CCDC174: variants seen among roughly 807,000 people sequenced by gnomAD.
The protein encoded by CCDC174 is coiled-coil domain-containing protein 174.
In CCDC174, 37 loss-of-function variants were observed where a neutral mutation model predicts 57.1. The observed-to-expected ratio is 0.65, with a 90% confidence interval of 0.50 to 0.85. The LOEUF is 0.85. CCDC174 is among the 40% of genes least tolerant of loss of function. The pLI, the probability that CCDC174 is intolerant of heterozygous loss-of-function variation, is 0.00. For synonymous variants in CCDC174, 182 were observed against 190.2 expected (o/e 0.96, Z 0.35); for missense variants, 540 against 574.3 (o/e 0.94, Z 0.61).
intron 6 of CCDC174, among the ~76,000 whole-genome samples, 181 bp from the exon 7 acceptor site, chr3:14,666,624 A>G (rs1272122629): frequency 2.7e-5 from 4 of 147,912 alleles, no homozygotes; most frequent in Admixed American, 2.7e-4. Flanking sequence ...CTAGTCTCCA[A>G]AAAAAAAAAA....
chr3:14,657,852 C>T (rs1575069050), intron 3 of CCDC174, among the ~76,000 whole-genome samples: 2 of 152,360 alleles, frequency 1.3e-5, no homozygotes, highest in South Asian at 2.1e-4. Flanking sequence ...GAGGTTTCCC[C>T]TGACTGCCCT....
At chr3:14,662,637 G>A (rs1345071063) in intron 5 of CCDC174, among the ~76,000 whole-genome samples, 1 of 152,112 alleles carries the variant, frequency 6.6e-6, no homozygotes, top group African/African-American at 2.4e-5. Context: ...CAATTTCCTG[G>A]GAACCCATCC....
At chr3:14,669,343 A>G (rs1426429866) in intron 9 of CCDC174, among the ~76,000 whole-genome samples, 1 of 152,232 alleles carries the variant, frequency 6.6e-6, no homozygotes, top group Non-Finnish European at 1.5e-5. Context: ...TCGCTCTATA[A>G]CATGTTAAGC....
In CCDC174 at chr3:14,667,467, C is replaced by CA. The variant is rs776690744; in HGVS notation, c.771dup (p.Glu258ArgfsTer15). On this transcript the variant is annotated frameshift_variant, in exon 8 of 11. Coordinates refer to ENST00000383794, the MANE Select transcript of CCDC174 (RefSeq NM_016474.5). LOFTEE classifies it high-confidence loss of function. ...TTGGGTATTTTGCCTTTGCCCGAGACAAAGAGTTGAGAAACAAGCAGATGA... is the reference window on the plus strand; with the variant it reads ...TTGGGTATTTTGCCTTTGCCCGAGACAAAAGAGTTGAGAAACAAGCAGATGA... The CA allele has an allele frequency of 1.9e-6, 3 of 1,613,588 alleles. No individual in the cohort carries two copies. Among genetic ancestry groups the CA allele is most frequent in the Non-Finnish European group, 2.5e-6 (3 of 1,179,950 alleles).
intron 8 of CCDC174, 24 bp from the exon 9 acceptor site, chr3:14,668,025 A>G (rs1277417066): frequency 6.4e-7 from 1 of 1,556,442 alleles, no homozygotes; most frequent in Non-Finnish European, 8.7e-7. Context: ...CTTCAAGCAA[A>G]TAATTTTCTG....
intron 9 of CCDC174, 92 bp downstream of exon 9, chr3:14,668,273 A>T: frequency 7.9e-7 from 1 of 1,269,862 alleles, no homozygotes; most frequent in Non-Finnish European, 1.1e-6. Flanking sequence ...AAAATTAGCC[A>T]TTTAGTTTTA....
At chr3:14,668,734 C>T (rs1390058388) in intron 9 of CCDC174, among the ~76,000 whole-genome samples, 1 of 152,070 alleles carries the variant, frequency 6.6e-6, no homozygotes, top group African/African-American at 2.4e-5. Flanking sequence ...GGCTAAATTG[C>T]CATCAATCTA....
rs56350241 is a variant in CCDC174, at chr3:14,661,698, G to C, written c.476G>C (p.Ser159Thr). Residue 159 changes from serine to threonine, a missense_variant, in exon 5 of 11, where the codon AGT becomes ACT. Ser to Thr is a moderately conservative substitution (Grantham distance 58). Coordinates refer to ENST00000383794, the MANE Select transcript of CCDC174 (RefSeq NM_016474.5). ...EGEIPPPQDPSEEWVDYVDSL... is the reference protein window; with the variant it reads ...EGEIPPPQDPTEEWVDYVDSL... ...GAGATCCCTCCTCCCCAAGACCCCAGTGAAGAATGGTTGGTAACATCATGG... is the reference window on the plus strand; with the variant it reads ...GAGATCCCTCCTCCCCAAGACCCCACTGAAGAATGGTTGGTAACATCATGG... 2 of 1,611,382 alleles carry C rather than the reference G, an allele frequency of 1.2e-6. No individual in the cohort carries two copies. Among genetic ancestry groups the C allele is most frequent in the Non-Finnish European group, 1.7e-6 (2 of 1,179,094 alleles).
intron 7 of CCDC174, chr3:14,667,158 G>A (rs907985263): frequency 3.2e-6 from 2 of 621,936 alleles, no homozygotes; most frequent in Non-Finnish European, 5.5e-6. Context: ...TAATCCAAGG[G>A]ATTGTTCCCT....
chr3:14,667,803 G>A (rs867747982), intron 8 of CCDC174, among the ~76,000 whole-genome samples: 3 of 152,254 alleles, frequency 2.0e-5, no homozygotes, highest in South Asian at 2.1e-4. Context: ...GGACGGAATG[G>A]GTTGGTTTTC....
chr3:14,671,152 A>G lies in CCDC174; in HGVS notation c.1362A>G (p.Lys454=). 1 of 1,613,204 alleles carries G rather than the reference A, an allele frequency of 6.2e-7. No homozygotes were observed. Among genetic ancestry groups the G allele is most frequent in the Non-Finnish European group, 8.5e-7 (1 of 1,179,416 alleles). ...NPPQAPTVTF[K]TLDDMISYYK... is the part of the protein sequence containing the mutation. ...CACAAGCCCCCACAGTTACTTTCAA[A>G]ACTCTGGATGACATGATTTCCTATT... is the stretch of plus-strand genomic sequence containing the variant. The change falls in exon 11 of 11, where the codon AAA becomes AAG. Residue 454 remains lysine (K), a synonymous_variant. Coordinates refer to ENST00000383794, the MANE Select transcript of CCDC174 (RefSeq NM_016474.5).
intron 7 of CCDC174, 72 bp from the exon 8 acceptor site, chr3:14,667,352 A>T: frequency 8.9e-7 from 1 of 1,119,614 alleles, no homozygotes; most frequent in Admixed American, 1.8e-5. Context: ...TTGCTTTGGT[A>T]GGAAATGTGG....
At chr3:14,667,164 T>A in intron 7 of CCDC174, 1 of 621,622 alleles carries the variant, frequency 1.6e-6, no homozygotes. Context: ...AAGGGATTGT[T>A]CCCTGAGAGA....
At chr3:14,660,943 G>A (rs941863349) in intron 4 of CCDC174, among the ~76,000 whole-genome samples, 1 of 152,144 alleles carries the variant, frequency 6.6e-6, no homozygotes, top group Non-Finnish European at 1.5e-5. Flanking sequence ...TGGACCATAA[G>A]CCCTGCAGGC....
Position 14,651,864 on chromosome 3 carries a change from G to T in CCDC174, c.28G>T (p.Val10Phe), listed in dbSNP as rs1373148258. The T allele has an allele frequency of 1.2e-6, 2 of 1,614,028 alleles. No individual in the cohort carries two copies. The highest frequency in any genetic ancestry group is 2.7e-5 in the African/African-American group (2 of 74,924). Residue 10 changes from valine to phenylalanine, a missense_variant, in exon 1 of 11, where the codon GTC (valine) becomes TTC (phenylalanine). Val to Phe is a conservative substitution (Grantham distance 50). Coordinates refer to ENST00000383794, the MANE Select transcript of CCDC174 (RefSeq NM_016474.5). ...GGACCGTAGGAAAAAGCCTTTGGAC[G>T]TCACGGCCTCCTCGGTGAGTGAGGG... MDRRKKPLD[V>F]TASSLVDLKA...
chr3:14,667,386 G>A (rs2031376378), intron 7 of CCDC174, 38 bp from the exon 8 acceptor site: 4 of 1,459,836 alleles, frequency 2.7e-6, no homozygotes, highest in East Asian at 2.3e-5. Flanking sequence ...GAATGATCAG[G>A]ACAGTCTGAT....
chr3:14,671,165 A>G lies in CCDC174; in HGVS notation c.1375A>G (p.Met459Val), dbSNP rs377188267. ...AGTTACTTTCAAAACTCTGGATGAC[A>G]TGATTTCCTATTACAAACAAGTGAC... ...PTVTFKTLDD[M>V]ISYYKQVT The change falls in exon 11 of 11, where the codon ATG becomes GTG. Residue 459 changes from methionine to valine, a missense_variant. Coordinates refer to ENST00000383794, the MANE Select transcript of CCDC174 (RefSeq NM_016474.5). 5.0e-6 allele frequency: 8 copies of G among 1,611,740 alleles called. No individual in the cohort carries two copies. The highest frequency in any genetic ancestry group is 2.2e-5 in the South Asian group (2 of 90,962).
In CCDC174 at chr3:14,654,450, T is replaced by C; in HGVS notation, c.67T>C (p.Phe23Leu). The change falls in exon 2 of 11, where the codon TTC becomes CTC. Residue 23 changes from phenylalanine (F) to leucine (L), a missense_variant. Coordinates refer to ENST00000383794, the MANE Select transcript of CCDC174 (RefSeq NM_016474.5). ...SSLVDLKAEL[F>L]RKQEEFKQEK... ...GTTGGTAGATCTTAAGGCTGAACTCTTCCGAAAGCAAGAAGAATTCAAACA... is the reference window on the plus strand; with the variant it reads ...GTTGGTAGATCTTAAGGCTGAACTCCTCCGAAAGCAAGAAGAATTCAAACA... The C allele has an allele frequency of 6.2e-7, 1 of 1,606,354 alleles. No individual in the cohort carries two copies. The highest frequency in any genetic ancestry group is 8.5e-7 in the Non-Finnish European group (1 of 1,176,294).
In CCDC174 at chr3:14,658,922, C is replaced by G. The variant is rs1205252043; in HGVS notation, c.300C>G (p.Asp100Glu). ...TATATGAAAAAATGACTAAAGGAGA[C>G]TTTATAGGTAAATAAAATTTGTTAT... ...AKLYEKMTKG[D>E]FIDEEVEDMY... Residue 100 changes from aspartate (D) to glutamate (E), a missense_variant, in exon 4 of 11, where the codon GAC (aspartate) becomes GAG (glutamate). Asp to Glu is a conservative substitution (Grantham distance 45, BLOSUM62 2). Coordinates refer to ENST00000383794, the MANE Select transcript of CCDC174 (RefSeq NM_016474.5). 1 of 1,513,704 alleles carries G rather than the reference C, an allele frequency of 6.6e-7. No individual in the cohort carries two copies. The highest frequency in any genetic ancestry group is 9.0e-7 in the Non-Finnish European group (1 of 1,105,918). 93.8% of individuals were successfully genotyped at this position (1,513,704 alleles called of 1,614,324 possible).
Sources: gnomAD v4.1 joint callset for allele counts (sites outside exome capture counted in the v4.1 genomes callset) on GRCh38, gnomAD v4.1.1 for gene constraint, MANE v1.5 for transcripts, NCBI Gene and HGNC (gene_info 2026-07-23, HGNC 2026-07-21) for gene names.